Variants in LRBA observed in about 807,000 individuals in gnomAD.
LRBA encodes the protein LPS responsive beige-like anchor protein, also known as lipopolysaccharide-responsive and beige-like anchor protein.
In LRBA, 176 loss-of-function variants were observed where a neutral mutation model predicts 330.0. The ratio of observed to expected loss-of-function variants is 0.53; its 90% CI spans 0.47 to 0.60. The LOEUF (loss-of-function observed/expected upper bound fraction) is 0.60, where lower values mean the gene tolerates loss of function less well. Among genes scored for constraint, LRBA ranks in the 20% least tolerant of loss-of-function variants. The pLI is 0.00. For missense variants in LRBA, 3,259 were observed against 3,444.8 expected (o/e 0.95, Z 1.35); for synonymous variants, 1,230 against 1,193.0 (o/e 1.03, Z -0.64).
At chr4:150,603,931 C>G (rs917516148) in intron 37 of LRBA, among the ~76,000 whole-genome samples, 1 of 151,854 alleles carries the variant, frequency 6.6e-6, no homozygotes, top group Non-Finnish European at 1.5e-5. Context: ...ATTTCCTAGG[C>G]CCTTTATGGT....
Position 150,436,763 on chromosome 4 carries a change from G to T in LRBA, c.6882C>A (p.Tyr2294Ter). The change falls in exon 45 of 57, where the codon TAC becomes TAA. Residue 2294 changes from tyrosine (Y) to a stop codon, truncating the protein, a stop_gained. Coordinates refer to ENST00000651943, the MANE Select transcript of LRBA (RefSeq NM_001364905.1). LOFTEE classifies it high-confidence loss of function. ...QVPKFHYGTH[Y>*]STASFVLAWL... The stretch of plus-strand genomic sequence containing the variant: ...ATGCAAGAACAAAACTTGCAGTTGA[G>T]TAATGAGTACCATAGTGAAACTTTG... 1 of 1,613,210 alleles carries T rather than the reference G, an allele frequency of 6.2e-7. No homozygotes were observed. Among genetic ancestry groups the T allele is most frequent in the Non-Finnish European group, 8.5e-7 (1 of 1,179,440 alleles).
chr4:150,588,465 G>A (rs1772395784), intron 39 of LRBA, among the ~76,000 whole-genome samples: 1 of 152,128 alleles, frequency 6.6e-6, no homozygotes, highest in African/African-American at 2.4e-5. Context: ...CTAATCTCTA[G>A]GTAAGAAGTG....
In LRBA at chr4:150,916,498, G is replaced by T; in HGVS notation, c.797C>A (p.Ser266Tyr). The change falls in exon 7 of 57, where the codon TCT becomes TAT. Residue 266 changes from serine (S) to tyrosine (Y), a missense_variant. By Grantham distance (144) the Ser-to-Tyr change is moderately radical. Coordinates refer to ENST00000651943, the MANE Select transcript of LRBA (RefSeq NM_001364905.1). ...CAAACAGCCTCCAACAAAATGAGCA[G>T]AATAGCCAAGACCTTTGCTGGTTCT... ...CFRTSKGLGY[S>Y]AHFVGGCLIV... The T allele has an allele frequency of 6.2e-7, 1 of 1,613,722 alleles. No homozygotes were observed. Among genetic ancestry groups the T allele is most frequent in the Non-Finnish European group, 8.5e-7 (1 of 1,179,830 alleles).
At chr4:150,399,188 C>T (rs1300341984) in intron 47 of LRBA, among the ~76,000 whole-genome samples, 1 of 152,122 alleles carries the variant, frequency 6.6e-6, no homozygotes, top group African/African-American at 2.4e-5. Flanking sequence ...GCCCATCCTG[C>T]ATGGACTATT....
At chr4:150,966,374 C>T (rs555059303) in intron 2 of LRBA, among the ~76,000 whole-genome samples, 1 of 150,244 alleles carries the variant, frequency 6.7e-6, no homozygotes, top group Non-Finnish European at 1.5e-5. Context: ...GTGGCATGAT[C>T]TTGACATACT....
chr4:150,295,221 A>C (rs1249679926), intron 53 of LRBA, among the ~76,000 whole-genome samples: 1 of 103,228 alleles, frequency 9.7e-6, no homozygotes, highest in Admixed American at 1.0e-4. Context: ...TTTTTTTTTA[A>C]GACAGGGTCT....
intron 37 of LRBA, among the ~76,000 whole-genome samples, chr4:150,643,157 G>A (rs1020265214): frequency 6.6e-6 from 1 of 151,668 alleles, no homozygotes; most frequent in Admixed American, 6.6e-5. Context: ...ATATCTAAAT[G>A]AAGAAAAAAA....
At chr4:150,702,016 A>C (rs1001385775) in intron 36 of LRBA, among the ~76,000 whole-genome samples, 4 of 152,232 alleles carry the variant, frequency 2.6e-5, no homozygotes, top group African/African-American at 9.6e-5. Context: ...CTAGAAACAG[A>C]AAACTATAGG....
At chr4:150,933,317 A>G (rs1734712695) in intron 2 of LRBA, among the ~76,000 whole-genome samples, 1 of 151,572 alleles carries the variant, frequency 6.6e-6, no homozygotes, top group Non-Finnish European at 1.5e-5. Context: ...GATCCCAGGA[A>G]GCGGAGGTTG....
chr4:150,910,729 C>A (rs1731893450), intron 9 of LRBA, among the ~76,000 whole-genome samples: 1 of 152,086 alleles, frequency 6.6e-6, no homozygotes, highest in Non-Finnish European at 1.5e-5. Context: ...TTGATAAGAA[C>A]TGTACTGAAT....
At chr4:150,952,666 G>T (rs1736973164) in intron 2 of LRBA, among the ~76,000 whole-genome samples, 2 of 151,932 alleles carry the variant, frequency 1.3e-5, no homozygotes, top group South Asian at 4.2e-4. Context: ...GGGTGGGCGG[G>T]GTGGAGAGGG....
intron 40 of LRBA, among the ~76,000 whole-genome samples, chr4:150,558,078 T>C (rs899481166): frequency 6.6e-6 from 1 of 152,160 alleles, no homozygotes; most frequent in Non-Finnish European, 1.5e-5. Context: ...TTGTTATTTT[T>C]AGTAGAGATG....
chr4:150,588,145 G>A lies in LRBA; in HGVS notation c.6233C>T (p.Pro2078Leu), dbSNP rs201667311. Residue 2078 changes from proline to leucine, a missense_variant, in exon 40 of 57, where the codon CCC becomes CTC. Coordinates refer to ENST00000651943, the MANE Select transcript of LRBA (RefSeq NM_001364905.1). ...SLSTPAQLVA[P>L]SVVVKGTLSV... The stretch of plus-strand genomic sequence containing the variant: ...AAGAGTGCCCTTTACTACAACAGAG[G>A]GGGCCACAAGCTGAGCTGGTGTGCT... 9.3e-6 allele frequency: 15 copies of A among 1,611,056 alleles called. No homozygotes were observed. The highest frequency in any genetic ancestry group is 1.7e-5 in the Admixed American group (1 of 59,688).
At chr4:150,829,997 C>G (rs1206408607) in intron 29 of LRBA, among the ~76,000 whole-genome samples, 1 of 152,116 alleles carries the variant, frequency 6.6e-6, no homozygotes, top group Non-Finnish European at 1.5e-5. Flanking sequence ...TTTTTTCTAC[C>G]ACTAAAACAT....
rs1560915136 is a variant in LRBA at position 150,852,050 on chromosome 4, T to C, written c.3660A>G (p.Arg1220=). Residue 1220 remains arginine (R), a synonymous_variant, in exon 23 of 57, where the codon AGA becomes AGG. Coordinates refer to ENST00000651943, the MANE Select transcript of LRBA (RefSeq NM_001364905.1). The part of the protein sequence containing the change: ...EEGKKATNLT[R]ETKLINDCHG... ...GACAATCATTAATTAATTTGGTTTC[T>C]CTAGTGAGGTTAGTTGCTTTCTTCC... is the stretch of plus-strand genomic sequence containing the variant. 1 of 1,614,162 alleles carries C rather than the reference T, an allele frequency of 6.2e-7. No homozygotes were observed. The highest frequency in any genetic ancestry group is 1.6e-4 in the Middle Eastern group (1 of 6,062).
intron 47 of LRBA, among the ~76,000 whole-genome samples, chr4:150,388,757 T>C (rs887644016): frequency 6.6e-6 from 1 of 152,240 alleles, no homozygotes; most frequent in Admixed American, 6.5e-5. Context: ...GCAGGGACTT[T>C]ATCATCAACC....
chr4:150,559,018 C>T lies in LRBA; in HGVS notation c.6330+29030G>A, dbSNP rs921439979. On this transcript the variant is annotated intron_variant, in intron 40 of 56. Coordinates refer to ENST00000651943, the MANE Select transcript of LRBA (RefSeq NM_001364905.1). ...CACCATTGAAGGGCAGGTAGACATC[C>T]TGTGCCTCTGTAAGTGAAACTCTCA... Among the ~76,000 whole-genome samples, 4 of 152,268 alleles carry T rather than the reference C, an allele frequency of 2.6e-5. No homozygotes were observed. In the East Asian group the frequency reaches 7.7e-4, roughly 29 times the overall value.
At chr4:150,493,537 C>T (rs749360426) in intron 40 of LRBA, among the ~76,000 whole-genome samples, 1 of 152,118 alleles carries the variant, frequency 6.6e-6, no homozygotes, top group Non-Finnish European at 1.5e-5. Flanking sequence ...AACAGATATT[C>T]GCAAAAATAT....
intron 47 of LRBA, among the ~76,000 whole-genome samples, chr4:150,377,768 T>A (rs1371534113): frequency 6.6e-6 from 1 of 152,148 alleles, no homozygotes; most frequent in East Asian, 1.9e-4. Context: ...CCAATTTATT[T>A]ATTTATTTGT....
Sources: allele counts gnomAD v4.1 joint callset (sites outside exome capture counted in the v4.1 genomes callset), GRCh38; gene constraint gnomAD v4.1.1; transcripts MANE v1.5; gene names NCBI Gene and HGNC (gene_info 2026-07-23, HGNC 2026-07-21).